The following CDH8 variants were observed in gnomAD, a reference collection of about 807,000 sequenced individuals.
The protein encoded by CDH8 is cadherin-8.
Under a neutral mutation model 68.1 loss-of-function variants are expected in CDH8, and 17 were observed. The ratio of observed to expected loss-of-function variants is 0.25; its 90% confidence interval spans 0.17 to 0.37. The LOEUF (loss-of-function observed/expected upper bound fraction) is 0.37, where lower values mean the gene tolerates loss of function less well. CDH8 is among the 10% of genes least tolerant of loss of function. The pLI, the probability that CDH8 is intolerant of heterozygous loss-of-function variation, is 1.00. For synonymous variants in CDH8, 372 were observed against 365.1 expected, an observed-to-expected ratio of 1.02 and a Z score of -0.21; for missense variants, 763 against 999.3, an observed-to-expected ratio of 0.76 and a Z score of 3.19.
chr16:61,652,320 T>C lies in CDH8; in HGVS notation c.*1288A>G. ...AAATTATGTACAAATCAGTTCCTGC[T>C]CTAAAACTGTGGGGGTAAATTGAAG... On this transcript the variant is annotated 3_prime_UTR_variant, in exon 12 of 12. Coordinates refer to ENST00000577390, the MANE Select transcript of CDH8 (RefSeq NM_001796.5). The C allele has an allele frequency of 1.0e-6, 1 of 985,040 alleles. No homozygotes were observed. The highest frequency in any genetic ancestry group is 4.7e-5 in the South Asian group (1 of 21,278). The allele number at this position is 985,040 out of a possible 1,614,324, so 61.0% of individuals were successfully genotyped here. A position where few individuals can be genotyped will look rare whatever the true frequency, so the allele number is the denominator to read the frequency against.
At chr16:61,740,590 G>A (rs530235958) in intron 8 of CDH8, among the ~76,000 whole-genome samples, 6 of 151,942 alleles carry the variant, frequency 3.9e-5, no homozygotes, top group Non-Finnish European at 4.4e-5. Flanking sequence ...ACCTCTACTT[G>A]GTTTAACAGT....
At chr16:61,710,684 A>G (rs1964614541) in intron 10 of CDH8, 1 of 152,046 alleles carries the variant, frequency 6.6e-6, no homozygotes, top group African/African-American at 2.4e-5. Flanking sequence ...TGATTTAAAA[A>G]TTGCGGTATA....
chr16:61,852,267 C>G (rs1275014959), intron 4 of CDH8, among the ~76,000 whole-genome samples: 1 of 152,030 alleles, frequency 6.6e-6, no homozygotes, highest in Admixed American at 6.6e-5. Flanking sequence ...AAAATGGAGA[C>G]AGAAATTCTT....
chr16:61,880,213 C>T (rs919621038), intron 3 of CDH8, among the ~76,000 whole-genome samples: 4 of 152,110 alleles, frequency 2.6e-5, no homozygotes, highest in Non-Finnish European at 5.9e-5. Context: ...TGTAAGCCAC[C>T]GTGCCCGGCC....
Position 61,711,310 on chromosome 16 carries a change from C to T in CDH8, c.1654+2531G>A, listed in dbSNP as rs117627640. ...ATGGTGGCAAGTTCCTTAGAAAATG[C>T]CAAATACTGAAATCATCTCCCTTAA... On this transcript the variant is annotated intron_variant, in intron 10 of 11. Coordinates refer to ENST00000577390, the MANE Select transcript of CDH8 (RefSeq NM_001796.5). 2.9e-3 allele frequency among the ~76,000 whole-genome samples: 439 copies of T among 149,932 alleles called. 1 individual carries two copies. Among genetic ancestry groups the T allele is most frequent in the Middle Eastern group, 6.8e-3 (2 of 294 alleles).
chr16:61,844,443 A>G (rs1962761457), intron 4 of CDH8, among the ~76,000 whole-genome samples: 1 of 152,210 alleles, frequency 6.6e-6, no homozygotes, highest in Non-Finnish European at 1.5e-5. Context: ...AGTTTAAAAA[A>G]AAGTTTATAT....
At chr16:61,950,085 G>A (rs1432017254) in intron 2 of CDH8, among the ~76,000 whole-genome samples, 3 of 151,924 alleles carry the variant, frequency 2.0e-5, no homozygotes, top group Non-Finnish European at 4.4e-5. Flanking sequence ...GAATAATCCT[G>A]AAATCAAGAC....
intron 4 of CDH8, among the ~76,000 whole-genome samples, chr16:61,842,101 A>G (rs1962698053): frequency 1.5e-5 from 2 of 134,496 alleles, no homozygotes; most frequent in African/African-American, 5.8e-5. Context: ...TAGAGACGGG[A>G]TTTCACCATG....
At chr16:62,017,843 C>T (rs1468938869) in intron 2 of CDH8, among the ~76,000 whole-genome samples, 1 of 152,002 alleles carries the variant, frequency 6.6e-6, no homozygotes, top group Admixed American at 6.6e-5. Context: ...CACTTCCCAC[C>T]CCACACCCCC....
At chr16:62,007,314 A>G (rs1965992676) in intron 2 of CDH8, among the ~76,000 whole-genome samples, 1 of 152,196 alleles carries the variant, frequency 6.6e-6, no homozygotes, top group Non-Finnish European at 1.5e-5. Context: ...CATAGTCTGT[A>G]AGTAGAAAGC....
At chr16:62,033,441 T>A (rs1297198222) in intron 1 of CDH8, among the ~76,000 whole-genome samples, 3 of 152,166 alleles carry the variant, frequency 2.0e-5, no homozygotes, top group South Asian at 2.1e-4. Flanking sequence ...CTTCAAGAAC[T>A]CAAGAAATGC....
At chr16:61,741,552 C>T (rs989466545) in intron 8 of CDH8, among the ~76,000 whole-genome samples, 6 of 151,926 alleles carry the variant, frequency 3.9e-5, no homozygotes, top group African/African-American at 4.8e-5. Flanking sequence ...TTTATATTGA[C>T]GGTTGGAAGC....
intron 10 of CDH8, among the ~76,000 whole-genome samples, chr16:61,663,150 T>C (rs1037310479): frequency 2.0e-5 from 3 of 151,974 alleles, no homozygotes; most frequent in African/African-American, 7.2e-5. Context: ...ACAAGGTATG[T>C]GCCAAGTAAA....
At chr16:61,664,506 A>G (rs58808943) in intron 10 of CDH8, among the ~76,000 whole-genome samples, 24,035 of 151,894 alleles carry the variant, frequency 0.16, 2,069 homozygotes, top group African/African-American at 0.21. Flanking sequence ...TGTTGTAAAT[A>G]GTTATATGTG....
At chr16:61,784,753 C>A (rs886269117) in intron 8 of CDH8, among the ~76,000 whole-genome samples, 2 of 150,460 alleles carry the variant, frequency 1.3e-5, no homozygotes, top group African/African-American at 4.9e-5. Flanking sequence ...GACCACAGTG[C>A]AATCAAACTA....
At chr16:61,774,840 A>C (rs2142990532) in intron 8 of CDH8, among the ~76,000 whole-genome samples, 1 of 152,320 alleles carries the variant, frequency 6.6e-6, no homozygotes, top group East Asian at 1.9e-4. Flanking sequence ...ACAGTTATTT[A>C]AAAGAAAATA....
In CDH8 at chr16:61,960,047, G is replaced by A. The variant is rs868575198; in HGVS notation, c.253-58574C>T. Among the ~76,000 whole-genome samples, 66 of 45,238 alleles carry A rather than the reference G, an allele frequency of 1.5e-3. 4 individuals are homozygous for A. The highest frequency in any genetic ancestry group is 4.3e-3 in the African/African-American group (30 of 7,054). The allele number at this position is 45,238 out of a possible 152,430, so 29.7% of individuals were successfully genotyped here. On this transcript the variant is annotated intron_variant, in intron 2 of 11. Coordinates refer to ENST00000577390, the MANE Select transcript of CDH8 (RefSeq NM_001796.5). ...ATACACACACACACACAACATATAT[G>A]TATGTATGTGTGTGTGTATACACAT...
intron 10 of CDH8, among the ~76,000 whole-genome samples, chr16:61,710,538 A>G (rs1964611786): frequency 1.3e-5 from 2 of 152,106 alleles, no homozygotes; most frequent in South Asian, 4.1e-4. Flanking sequence ...TGGTATCATC[A>G]GGTACTATGG....
intron 8 of CDH8, among the ~76,000 whole-genome samples, chr16:61,732,136 G>T (rs116932662): frequency 0.023 from 3,533 of 151,600 alleles, 70 homozygotes; most frequent in Non-Finnish European, 0.035. Flanking sequence ...ACCATTAAGT[G>T]TCATATATGC....
Sources: gnomAD v4.1 joint callset for allele counts (sites outside exome capture counted in the v4.1 genomes callset) on GRCh38, gnomAD v4.1.1 for gene constraint, MANE v1.5 for transcripts, NCBI Gene and HGNC (gene_info 2026-07-23, HGNC 2026-07-21) for gene names.